Variants in FGGY observed in about 807,000 individuals in gnomAD.
The protein encoded by FGGY is FGGY carbohydrate kinase domain-containing protein.
FGGY carries 72 observed loss-of-function variants against 71.3 expected under a neutral mutation model. That is an observed-to-expected ratio of 1.01 (90% confidence interval 0.84 to 1.23). The LOEUF (loss-of-function observed/expected upper bound fraction) is 1.23. Among genes scored for constraint, FGGY ranks in the 50% most tolerant of loss-of-function variants. FGGY has a pLI of 0.00. For synonymous variants in FGGY, 251 were observed against 250.3 expected (o/e 1.00, Z -0.02); for missense variants, 668 against 682.3 (o/e 0.98, Z 0.23).
chr1:59,515,136 A>G (rs1456599442), intron 7 of FGGY, among the ~76,000 whole-genome samples: 1 of 152,158 alleles, frequency 6.6e-6, no homozygotes, highest in Non-Finnish European at 1.5e-5. Flanking sequence ...AGCGCTGCCC[A>G]AGACCATGGG....
At chr1:59,466,480 G>A (rs1054369114) in intron 6 of FGGY, among the ~76,000 whole-genome samples, 5 of 152,138 alleles carry the variant, frequency 3.3e-5, no homozygotes, top group Non-Finnish European at 5.9e-5. Flanking sequence ...AAAAGCAATG[G>A]CACCAAAAGC....
At chr1:59,518,333 C>A (rs72666228) in intron 7 of FGGY, among the ~76,000 whole-genome samples, 4 of 152,078 alleles carry the variant, frequency 2.6e-5, no homozygotes, top group African/African-American at 9.7e-5. Flanking sequence ...CGATCTAAAG[C>A]CTGCGACTTT....
chr1:59,357,357 A>T (rs551778531), intron 4 of FGGY, among the ~76,000 whole-genome samples: 90 of 152,320 alleles, frequency 5.9e-4, no homozygotes, highest in African/African-American at 2.0e-3. Flanking sequence ...ACTTTAAAAA[A>T]TTTTACTTTA....
chr1:59,523,042 G>A (rs1225770001), intron 7 of FGGY, among the ~76,000 whole-genome samples: 1 of 152,166 alleles, frequency 6.6e-6, no homozygotes. Context: ...GAGAAAATTA[G>A]CTGAGCTGTT....
chr1:59,406,971 C>T (rs2062853699), intron 5 of FGGY, among the ~76,000 whole-genome samples: 1 of 152,234 alleles, frequency 6.6e-6, no homozygotes, highest in Non-Finnish European at 1.5e-5. Flanking sequence ...CCTTGCCCTG[C>T]TCTGCAAGGG....
At chr1:59,559,865 A>G (rs1198491960) in intron 8 of FGGY, among the ~76,000 whole-genome samples, 3 of 152,198 alleles carry the variant, frequency 2.0e-5, no homozygotes, top group African/African-American at 7.2e-5. Context: ...ACTGACATAA[A>G]TTATTTTGAA....
intron 5 of FGGY, among the ~76,000 whole-genome samples, chr1:59,402,983 G>A (rs149618342): frequency 4.3e-4 from 65 of 152,250 alleles, no homozygotes; most frequent in African/African-American, 1.5e-3. Context: ...CTCATTGCTA[G>A]GATACAGATT....
At chr1:59,343,217 A>G (rs961869417) in intron 3 of FGGY, among the ~76,000 whole-genome samples, 5 of 152,190 alleles carry the variant, frequency 3.3e-5, no homozygotes, top group African/African-American at 7.2e-5. Flanking sequence ...GAACATAAAC[A>G]TGTATTTTAG....
At chr1:59,536,472 C>G (rs943199034) in intron 7 of FGGY, among the ~76,000 whole-genome samples, 1 of 152,204 alleles carries the variant, frequency 6.6e-6, no homozygotes, top group African/African-American at 2.4e-5. Context: ...CTCCCTAACT[C>G]ATTTTATGAG....
chr1:59,719,738 A>C (rs1488747822), intron 14 of FGGY, among the ~76,000 whole-genome samples: 1 of 152,210 alleles, frequency 6.6e-6, no homozygotes, highest in Admixed American at 6.5e-5. Flanking sequence ...TAGGCCAGAC[A>C]CTGTTCTAGG....
chr1:59,339,075 T>G (rs924401574), intron 2 of FGGY, among the ~76,000 whole-genome samples: 1 of 152,204 alleles, frequency 6.6e-6, no homozygotes, highest in African/African-American at 2.4e-5. Context: ...ACATAAACTT[T>G]GTTTCATGCA....
At chr1:59,347,080 T>TC (rs1418287769) in intron 4 of FGGY, among the ~76,000 whole-genome samples, 7 of 127,710 alleles carry the variant, frequency 5.5e-5, no homozygotes, top group African/African-American at 2.3e-4. Flanking sequence ...GCCTTTTTTT[T>TC]CCTCTTTTTT....
intron 11 of FGGY, among the ~76,000 whole-genome samples, chr1:59,646,192 G>C (rs1425275171): frequency 3.3e-5 from 5 of 152,220 alleles, no homozygotes; most frequent in African/African-American, 1.2e-4. Context: ...GGATGATAGA[G>C]CTGGAAGCTC....
At chr1:59,446,528 G>A (rs2071286238) in intron 5 of FGGY, among the ~76,000 whole-genome samples, 1 of 152,192 alleles carries the variant, frequency 6.6e-6, no homozygotes, top group Non-Finnish European at 1.5e-5. Flanking sequence ...TCCGATTGGT[G>A]CAGTGGTATT....
chr1:59,396,418 A>G (rs2061332957), intron 5 of FGGY, among the ~76,000 whole-genome samples: 1 of 152,018 alleles, frequency 6.6e-6, no homozygotes. Context: ...TTCCTGTGAT[A>G]GCTTTTAGGA....
At chr1:59,749,004 C>T (rs1243401213) in intron 14 of FGGY, among the ~76,000 whole-genome samples, 2 of 152,130 alleles carry the variant, frequency 1.3e-5, no homozygotes, top group Non-Finnish European at 2.9e-5. Context: ...CTCAATTATA[C>T]CTAAGTAATG....
intron 6 of FGGY, among the ~76,000 whole-genome samples, chr1:59,476,008 C>T (rs1438716163): frequency 6.6e-6 from 1 of 152,224 alleles, no homozygotes; most frequent in Non-Finnish European, 1.5e-5. Flanking sequence ...TTACCATGCC[C>T]CCACGTAGTC....
At chr1:59,522,855 T>G (rs985352316) in intron 7 of FGGY, among the ~76,000 whole-genome samples, 7 of 152,160 alleles carry the variant, frequency 4.6e-5, no homozygotes, top group Non-Finnish European at 7.3e-5. Context: ...AACCCTTGCA[T>G]CAAACAATGG....
intron 14 of FGGY, among the ~76,000 whole-genome samples, chr1:59,751,742 C>T (rs2098246836): frequency 6.6e-6 from 1 of 152,104 alleles, no homozygotes; most frequent in African/African-American, 2.4e-5. Context: ...ATTGTTTTTA[C>T]CTTACAATAT....
Sources: gnomAD v4.1 joint callset for allele counts (sites outside exome capture counted in the v4.1 genomes callset) on GRCh38, gnomAD v4.1.1 for gene constraint, MANE v1.5 for transcripts, NCBI Gene and HGNC (gene_info 2026-07-23, HGNC 2026-07-21) for gene names.